The following GALNT17 variants were observed in gnomAD, a reference collection of about 807,000 sequenced individuals.
The protein encoded by GALNT17 is UDP-GalNAc:polypeptide N-acetylgalactosaminyltransferase-like 3.
GALNT17 carries 29 observed loss-of-function variants against 63.7 expected under a neutral mutation model. That is an observed-to-expected ratio of 0.46 (90% CI 0.34 to 0.62). GALNT17 has a LOEUF of 0.62. Ranked by LOEUF, GALNT17 falls within the 20% of genes least tolerant of loss-of-function variation. GALNT17 has a pLI of 0.01. For synonymous variants in GALNT17, 305 were observed against 318.3 expected (o/e 0.96, Z 0.45); for missense variants, 603 against 799.6 (o/e 0.75, Z 2.97).
chr7:71,434,633 G>T (rs996695254), intron 5 of GALNT17, among the ~76,000 whole-genome samples: 3 of 152,128 alleles, frequency 2.0e-5, no homozygotes, highest in Non-Finnish European at 4.4e-5. Flanking sequence ...CCACCCGTGG[G>T]TTCTGTGTCC....
intron 5 of GALNT17, among the ~76,000 whole-genome samples, chr7:71,567,541 T>C (rs1475263513): frequency 1.3e-5 from 2 of 152,252 alleles, no homozygotes; most frequent in East Asian, 3.8e-4. Flanking sequence ...CTTGGCTCAC[T>C]GCAGCCTCCG....
At chr7:71,250,182 C>T (rs529487586) in intron 1 of GALNT17, among the ~76,000 whole-genome samples, 2 of 152,288 alleles carry the variant, frequency 1.3e-5, no homozygotes, top group African/African-American at 4.8e-5. Context: ...TAAATGTCAT[C>T]TTTACCTTGA....
intron 5 of GALNT17, among the ~76,000 whole-genome samples, chr7:71,507,163 G>A (rs973297223): frequency 6.6e-6 from 1 of 152,200 alleles, no homozygotes; most frequent in South Asian, 2.1e-4. Context: ...GAGCCCAGGA[G>A]GTCGAGGCTG....
rs1554338085 is a variant in GALNT17, at chr7:71,201,241, T to TATATATATATATATATATATATATA, written c.238+68201_238+68202insATATATATATATATATATATATATA. ...TGTATGGGGGTGTGTGTGTTTATTT[T>TATATATATATATATATATATATATA]TATATATATATATATAATTTGTGTG... is the stretch of plus-strand genomic sequence containing the variant. On this transcript the variant is annotated intron_variant, in intron 1 of 10. Transcript: ENST00000333538. 7.2e-3 allele frequency among the ~76,000 whole-genome samples: 1,001 copies of TATATATATATATATATATATATATA among 138,086 alleles called. 24 individuals carry two copies. Among genetic ancestry groups the TATATATATATATATATATATATATA allele is most frequent in the South Asian group, 0.015 (67 of 4,464 alleles). 90.6% of individuals were successfully genotyped at this position (138,086 alleles called of 152,430 possible). A position where few individuals can be genotyped will look rare whatever the true frequency, so the allele number is the denominator to read the frequency against.
chr7:71,166,486 C>T (rs1414664566), intron 1 of GALNT17, among the ~76,000 whole-genome samples: 1 of 152,210 alleles, frequency 6.6e-6, no homozygotes, highest in Non-Finnish European at 1.5e-5. Context: ...TGTGCCTCGA[C>T]TCATCCGTCG....
At chr7:71,158,711 C>T (rs1159609524) in intron 1 of GALNT17, among the ~76,000 whole-genome samples, 3 of 151,434 alleles carry the variant, frequency 2.0e-5, no homozygotes, top group Non-Finnish European at 4.4e-5. Context: ...CGAGTAGCTC[C>T]GACTACAGGC....
At chr7:71,423,385 C>T (rs1045777840) in intron 5 of GALNT17, among the ~76,000 whole-genome samples, 10 of 152,230 alleles carry the variant, frequency 6.6e-5, no homozygotes, top group African/African-American at 2.4e-4. Flanking sequence ...CTCTGATCCC[C>T]GAGTTATAGT....
intron 5 of GALNT17, among the ~76,000 whole-genome samples, chr7:71,485,206 A>G (rs181735636): frequency 2.7e-4 from 41 of 151,894 alleles, no homozygotes; most frequent in African/African-American, 9.4e-4. Context: ...CCTGGGCTCA[A>G]GCGATCCTCC....
intron 5 of GALNT17, among the ~76,000 whole-genome samples, chr7:71,455,021 A>C (rs1282482457): frequency 6.6e-6 from 1 of 152,084 alleles, no homozygotes; most frequent in Non-Finnish European, 1.5e-5. Context: ...TACAAAAATT[A>C]GCCAGGTGTG....
intron 6 of GALNT17, among the ~76,000 whole-genome samples, chr7:71,615,609 TGGGACTACA>T (rs1250179230): frequency 6.6e-6 from 1 of 151,638 alleles, no homozygotes; most frequent in Non-Finnish European, 1.5e-5. Flanking sequence ...CCCAAGTAGT[TGGGACTACA>T]GGCACATGCC....
intron 6 of GALNT17, among the ~76,000 whole-genome samples, chr7:71,609,502 G>C (rs899512034): frequency 4.6e-5 from 7 of 152,144 alleles, no homozygotes; most frequent in African/African-American, 1.7e-4. Flanking sequence ...AAAACAGAGA[G>C]AGAGAAAGAG....
intron 1 of GALNT17, among the ~76,000 whole-genome samples, chr7:71,254,293 CAG>C (rs1362414962): frequency 2.6e-5 from 4 of 152,148 alleles, no homozygotes; most frequent in African/African-American, 9.7e-5. Flanking sequence ...CAGCAGGCTT[CAG>C]AGCTCTTATT....
At chr7:71,710,665 A>C in intron 9 of GALNT17, 96 bp from the exon 10 acceptor site, 2 of 1,394,352 alleles carry the variant, frequency 1.4e-6, no homozygotes, top group Admixed American at 3.6e-5. Context: ...ATTGACAAAC[A>C]GCAGGAGTAA....
intron 6 of GALNT17, among the ~76,000 whole-genome samples, chr7:71,664,672 T>A (rs984650939): frequency 6.6e-6 from 1 of 152,180 alleles, no homozygotes; most frequent in Non-Finnish European, 1.5e-5. Flanking sequence ...TGTGCTGATA[T>A]GAATAAAGAT....
intron 1 of GALNT17, among the ~76,000 whole-genome samples, chr7:71,288,786 A>G (rs1490678624): frequency 6.6e-6 from 1 of 152,030 alleles, no homozygotes; most frequent in Non-Finnish European, 1.5e-5. Flanking sequence ...AAGCCCAGCT[A>G]GAGAGTGCAG....
chr7:71,641,838 G>T lies in GALNT17; in HGVS notation c.1081-23573G>T, dbSNP rs2117007965. On this transcript the variant is annotated intron_variant, in intron 6 of 10. Coordinates refer to ENST00000333538, the MANE Select transcript of GALNT17 (RefSeq NM_022479.3). Reference sequence around the variant, plus strand: ...TGTTCAAGTCTTAGCTGCTGTGGATGGTGAGGATGCTGCTGCTGCTGCTGA... The same window carrying T: ...TGTTCAAGTCTTAGCTGCTGTGGATTGTGAGGATGCTGCTGCTGCTGCTGA... Among the ~76,000 whole-genome samples the T allele has an allele frequency of 2.0e-5, 3 of 152,236 alleles. No individual in the cohort carries two copies. The East Asian group carries it at 5.8e-4, about 29-fold the overall frequency.
intron 1 of GALNT17, among the ~76,000 whole-genome samples, chr7:71,173,335 C>T (rs886366427): frequency 3.3e-5 from 5 of 152,178 alleles, no homozygotes; most frequent in Admixed American, 2.6e-4. Flanking sequence ...CATAGCGTGA[C>T]TGGAGGCTGC....
At chr7:71,683,132 A>G (rs1043993117) in intron 9 of GALNT17, among the ~76,000 whole-genome samples, 1 of 152,138 alleles carries the variant, frequency 6.6e-6, no homozygotes, top group Non-Finnish European at 1.5e-5. Context: ...TAGGCTGCTC[A>G]TGGCTCCCCC....
At chr7:71,544,408 C>T (rs1461313968) in intron 5 of GALNT17, among the ~76,000 whole-genome samples, 1 of 151,562 alleles carries the variant, frequency 6.6e-6, no homozygotes, top group Non-Finnish European at 1.5e-5. Context: ...TCCCAAAGTG[C>T]TGGGATTACA....
Sources: allele counts gnomAD v4.1 joint callset (sites outside exome capture counted in the v4.1 genomes callset), GRCh38; gene constraint gnomAD v4.1.1; transcripts MANE v1.5; gene names NCBI Gene and HGNC (gene_info 2026-07-23, HGNC 2026-07-21).